TCTN2: variants seen among roughly 807,000 people sequenced by gnomAD.
TCTN2 encodes the protein tectonic-2.
In TCTN2, 66 loss-of-function variants were observed where a neutral mutation model predicts 83.4. The observed-to-expected ratio is 0.79, with a 90% CI of 0.65 to 0.97. TCTN2 has a LOEUF of 0.97. TCTN2 is among the 50% of genes least tolerant of loss of function. TCTN2 has a pLI of 0.00. For missense variants in TCTN2, 794 were observed against 858.1 expected (o/e 0.93, Z 0.93); for synonymous variants, 301 against 326.7 (o/e 0.92, Z 0.85).
chr12:123,697,809 A>G (rs1248527420), intron 13 of TCTN2, among the ~76,000 whole-genome samples: 6 of 148,726 alleles, frequency 4.0e-5, no homozygotes, highest in Non-Finnish European at 8.9e-5. Context: ...GGAACCTTAT[A>G]CTCCTAGAGC....
At chr12:123,703,620 T>TGGTGTGTGCTACA (rs1403868676) in intron 14 of TCTN2, among the ~76,000 whole-genome samples, 1 of 152,202 alleles carries the variant, frequency 6.6e-6, no homozygotes, top group Non-Finnish European at 1.5e-5. Context: ...TCTGGGTAGC[T>TGGTGTGTGCTACA]GGTGTGTGCT....
chr12:123,694,744 G>T, intron 9 of TCTN2, 98 bp from the exon 10 acceptor site: 1 of 1,331,048 alleles, frequency 7.5e-7, no homozygotes. Context: ...CAGGGGCAGG[G>T]CACTTGGGGA....
intron 5 of TCTN2, among the ~76,000 whole-genome samples, chr12:123,680,114 T>A (rs180797383): frequency 0.025 from 3,803 of 151,800 alleles, 67 homozygotes; most frequent in Non-Finnish European, 0.038. Context: ...GCACTTTGGG[T>A]GGCCAAGGTG....
In TCTN2 at chr12:123,708,007, CTTTTTTT is replaced by C. The variant is rs983291114; in HGVS notation, c.*311_*317del. 53 of 214,192 alleles carry C rather than the reference CTTTTTTT, an allele frequency of 2.5e-4. No individual in the cohort carries two copies. The highest frequency in any genetic ancestry group is 4.3e-4 in the South Asian group (9 of 20,888). The allele number at this position is 214,192 out of a possible 1,614,324, so 13.3% of individuals were successfully genotyped here. The stretch of plus-strand genomic sequence containing the variant: ...ACAGGCATGAGCCACCGCACCCGGC[CTTTTTTT>C]TTTTTTTTTTTTTTTTGAGGCGGGG... On this transcript the variant is annotated 3_prime_UTR_variant, in exon 18 of 18. Coordinates refer to ENST00000303372, the MANE Select transcript of TCTN2 (RefSeq NM_024809.5).
chr12:123,690,976 C>A (rs554555915), intron 8 of TCTN2, among the ~76,000 whole-genome samples: 3 of 152,230 alleles, frequency 2.0e-5, no homozygotes, highest in Admixed American at 1.3e-4. Context: ...TCAAGCGATT[C>A]TCCTGCCTCA....
At chr12:123,699,492 T>G (rs1399568610) in intron 13 of TCTN2, among the ~76,000 whole-genome samples, 1 of 151,264 alleles carries the variant, frequency 6.6e-6, no homozygotes. Flanking sequence ...AAAAGATTGC[T>G]TCTGTATGTT....
intron 6 of TCTN2, 69 bp from the exon 7 acceptor site, chr12:123,687,982 A>G: frequency 6.3e-7 from 1 of 1,596,524 alleles, no homozygotes; most frequent in Non-Finnish European, 8.6e-7. Flanking sequence ...AGAGTAAAGA[A>G]CAACATTAAG....
intron 15 of TCTN2, among the ~76,000 whole-genome samples, chr12:123,705,178 T>TA (rs1956215215): frequency 1.3e-5 from 2 of 150,968 alleles, no homozygotes; most frequent in South Asian, 4.2e-4. Context: ...TTTTTTTTTT[T>TA]TTTGAGACAG....
chr12:123,686,101 G>A (rs1357547514), intron 5 of TCTN2, among the ~76,000 whole-genome samples: 1 of 151,750 alleles, frequency 6.6e-6, no homozygotes, highest in African/African-American at 2.4e-5. Context: ...AGGATGGAGT[G>A]CAGTGTGTGA....
intron 9 of TCTN2, 124 bp downstream of exon 9, chr12:123,692,847 A>G (rs1235135322): frequency 6.3e-6 from 5 of 791,274 alleles, no homozygotes; most frequent in Non-Finnish European, 1.1e-5. Flanking sequence ...ATAGTTAGAA[A>G]GATCTGCCAG....
intron 3 of TCTN2, among the ~76,000 whole-genome samples, chr12:123,673,099 G>A (rs1234266207): frequency 6.6e-6 from 1 of 152,076 alleles, no homozygotes; most frequent in East Asian, 1.9e-4. Flanking sequence ...GAGCTTATGT[G>A]TAAGGATACT....
rs1283675770 is a variant in TCTN2, at chr12:123,695,190, A to G, written c.1235-30A>G. 4 of 1,469,874 alleles carry G rather than the reference A, an allele frequency of 2.7e-6. No homozygotes were observed. The South Asian group carries it at 4.5e-5, about 17-fold the overall frequency. 91.1% of individuals were successfully genotyped at this position (1,469,874 alleles called of 1,614,324 possible). On this transcript the variant is annotated intron_variant, in intron 10 of 17. Coordinates refer to ENST00000303372, the MANE Select transcript of TCTN2 (RefSeq NM_024809.5). ...ATTTCTTTTCCTAGTGAAATGGTGCACATTATATTTTATTTTGTTTTATTT... is the reference window on the plus strand; with the variant it reads ...ATTTCTTTTCCTAGTGAAATGGTGCGCATTATATTTTATTTTGTTTTATTT...
At chr12:123,677,193 A>G (rs1021099639) in intron 4 of TCTN2, among the ~76,000 whole-genome samples, 1 of 152,140 alleles carries the variant, frequency 6.6e-6, no homozygotes, top group African/African-American at 2.4e-5. Flanking sequence ...AAAAAAATCA[A>G]TAAAGTGCCT....
At chr12:123,691,161 G>A (rs746316045) in intron 8 of TCTN2, among the ~76,000 whole-genome samples, 5 of 152,116 alleles carry the variant, frequency 3.3e-5, no homozygotes, top group Non-Finnish European at 5.9e-5. Context: ...AAGCCATCGC[G>A]TCCCACCAGA....
At chr12:123,690,830 A>G (rs1033476019) in intron 8 of TCTN2, among the ~76,000 whole-genome samples, 156 bp downstream of exon 8, 2 of 152,238 alleles carry the variant, frequency 1.3e-5, no homozygotes, top group African/African-American at 2.4e-5. Flanking sequence ...GTAAGACAGC[A>G]TATTGCATAT....
At chr12:123,695,630 A>G (rs1201110883) in intron 11 of TCTN2, 1 of 183,652 alleles carries the variant, frequency 5.4e-6, no homozygotes, top group African/African-American at 2.5e-5. Flanking sequence ...AGTTTTATTC[A>G]TCTGCTACTT....
Position 123,686,987 on chromosome 12 carries a change from C to A in TCTN2, c.716C>A (p.Ser239Tyr), listed in dbSNP as rs149186771. 1 of 1,614,114 alleles carries A rather than the reference C, an allele frequency of 6.2e-7. No homozygotes were observed. The highest frequency in any genetic ancestry group is 1.3e-5 in the African/African-American group (1 of 75,014). The change falls in exon 6 of 18, where the codon TCC becomes TAC. Residue 239 changes from serine to tyrosine, a missense_variant. Ser to Tyr is a moderately radical substitution (Grantham distance 144, BLOSUM62 -2). Transcript: ENST00000303372. Reference protein sequence around the residue: ...PDWFPFLCVQSPLANTPFLGY... With the variant: ...PDWFPFLCVQYPLANTPFLGY... ...TGGTTTCCCTTTCTGTGTGTGCAGT[C>A]CCCCCTTGCCAACACACCCTTCCTT...
chr12:123,705,161 G>GTTTTTTT (rs71308014), intron 15 of TCTN2, among the ~76,000 whole-genome samples: 1 of 117,714 alleles, frequency 8.5e-6, no homozygotes, highest in African/African-American at 3.3e-5. Context: ...GCCTCCATCA[G>GTTTTTTT]TTTTTTTTTT....
chr12:123,689,286 G>T (rs949270416), intron 7 of TCTN2, among the ~76,000 whole-genome samples: 1 of 151,642 alleles, frequency 6.6e-6, no homozygotes, highest in Non-Finnish European at 1.5e-5. Flanking sequence ...TAACTTCTGG[G>T]CTGAAGTGAC....
Sources: gnomAD v4.1 joint callset for allele counts (sites outside exome capture counted in the v4.1 genomes callset) on GRCh38, gnomAD v4.1.1 for gene constraint, MANE v1.5 for transcripts, NCBI Gene and HGNC (gene_info 2026-07-23, HGNC 2026-07-21) for gene names.